SPATA17: variants seen among roughly 807,000 people sequenced by gnomAD.
SPATA17 encodes the protein spermatogenesis-associated protein 17.
Under a neutral mutation model 62.2 loss-of-function variants are expected in SPATA17, and 53 were observed. That is an observed-to-expected ratio of 0.85 (90% CI 0.68 to 1.07). The LOEUF (loss-of-function observed/expected upper bound fraction) is 1.07, where lower values mean the gene tolerates loss of function less well. Ranked by LOEUF, SPATA17 falls within the 50% of genes least tolerant of loss-of-function variation. The pLI is 0.00. For synonymous variants in SPATA17, 146 were observed against 146.8 expected (o/e 0.99, Z 0.04); for missense variants, 466 against 425.5 (o/e 1.10, Z -0.84).
In SPATA17 at chr1:217,739,149, TA is replaced by T. The variant is rs1340450369; in HGVS notation, c.396-2825del. On this transcript the variant is annotated intron_variant, in intron 5 of 10. Coordinates refer to ENST00000366933, the MANE Select transcript of SPATA17 (RefSeq NM_138796.4). ...GTAATTTTTATCTTTATTTTAAAAC[TA>T]TATCAGAAAATGTTTTATAGATATG... Among the ~76,000 whole-genome samples the T allele has an allele frequency of 1.3e-5, 2 of 152,122 alleles. 1 individual carries two copies. Among genetic ancestry groups the T allele is most frequent in the Non-Finnish European group, 2.9e-5 (2 of 68,018 alleles).
At chr1:217,801,691 A>G (rs1324490334) in intron 8 of SPATA17, 27 bp from the exon 9 acceptor site, 3 of 1,568,524 alleles carry the variant, frequency 1.9e-6, no homozygotes, top group Non-Finnish European at 2.6e-6. Context: ...AATCAAGTTA[A>G]GAATAGCTCT....
chr1:217,658,818 C>T (rs191017405), intron 3 of SPATA17, among the ~76,000 whole-genome samples: 11 of 152,144 alleles, frequency 7.2e-5, no homozygotes, highest in African/African-American at 2.4e-4. Flanking sequence ...TCAGTATTCC[C>T]TTATAGTATG....
chr1:217,703,854 T>G (rs1031701597), intron 5 of SPATA17, among the ~76,000 whole-genome samples: 1 of 152,148 alleles, frequency 6.6e-6, no homozygotes, highest in African/African-American at 2.4e-5. Flanking sequence ...GTGCTAGGAG[T>G]AATTTGTACC....
intron 4 of SPATA17, among the ~76,000 whole-genome samples, chr1:217,682,225 G>C (rs370740443): frequency 6.6e-6 from 1 of 151,754 alleles, no homozygotes; most frequent in South Asian, 2.1e-4. Context: ...AGGGGTATTA[G>C]AAAATATAGC....
intron 4 of SPATA17, among the ~76,000 whole-genome samples, chr1:217,669,518 C>T (rs1023189107): frequency 6.6e-6 from 1 of 152,128 alleles, no homozygotes; most frequent in Non-Finnish European, 1.5e-5. Flanking sequence ...TTATTTCTAT[C>T]AGTTCTGTGT....
intron 1 of SPATA17, 110 bp downstream of exon 1, chr1:217,631,556 T>A (rs1669774776): frequency 4.5e-6 from 5 of 1,114,430 alleles, no homozygotes; most frequent in African/African-American, 1.5e-5. Context: ...ATTCATTAAG[T>A]AGTACCCAAT....
At chr1:217,657,268 C>T (rs977289869) in intron 3 of SPATA17, among the ~76,000 whole-genome samples, 3 of 152,186 alleles carry the variant, frequency 2.0e-5, no homozygotes, top group Non-Finnish European at 2.9e-5. Flanking sequence ...GCATTGCTTC[C>T]TTTCAGAAGG....
intron 9 of SPATA17, among the ~76,000 whole-genome samples, chr1:217,853,406 T>A (rs1220247030): frequency 6.6e-6 from 1 of 152,162 alleles, no homozygotes; most frequent in Non-Finnish European, 1.5e-5. Context: ...TAGTAGACAA[T>A]ATTTTCAACT....
chr1:217,853,612 G>A (rs925076464), intron 9 of SPATA17, among the ~76,000 whole-genome samples: 1 of 152,114 alleles, frequency 6.6e-6, no homozygotes, highest in Admixed American at 6.6e-5. Context: ...GTTCTATAAA[G>A]TCACCTCAAA....
rs529651891 is a variant in SPATA17, at chr1:217,738,456, C to T, written c.396-3519C>T. Among the ~76,000 whole-genome samples the T allele has an allele frequency of 7.9e-5, 12 of 152,324 alleles. No homozygotes were observed. In the South Asian group the frequency reaches 2.5e-3, roughly 32 times the overall value. ...TAGTAAATGTTCAATAAATAGCTAA[C>T]ACTTACATAGCGCCTTACTGTGTAC... On this transcript the variant is annotated intron_variant, in intron 5 of 10. Coordinates refer to ENST00000366933, the MANE Select transcript of SPATA17 (RefSeq NM_138796.4).
At chr1:217,751,824 G>A (rs1265057237) in intron 6 of SPATA17, among the ~76,000 whole-genome samples, 1 of 152,044 alleles carries the variant, frequency 6.6e-6, no homozygotes, top group Non-Finnish European at 1.5e-5. Flanking sequence ...AGCCACTTAG[G>A]TAGAAAAGGG....
intron 9 of SPATA17, among the ~76,000 whole-genome samples, chr1:217,827,671 G>A (rs1558067338): frequency 2.0e-5 from 3 of 152,108 alleles, no homozygotes; most frequent in African/African-American, 4.8e-5. Flanking sequence ...AGAAAATGTG[G>A]TATATATACA....
intron 1 of SPATA17, among the ~76,000 whole-genome samples, chr1:217,634,125 C>T (rs914968790): frequency 9.2e-5 from 14 of 152,210 alleles, no homozygotes; most frequent in African/African-American, 3.4e-4. Context: ...TTGTCCTGGA[C>T]ATAAGGTGAA....
intron 1 of SPATA17, among the ~76,000 whole-genome samples, chr1:217,646,819 G>A (rs907496546): frequency 4.0e-5 from 6 of 151,496 alleles, no homozygotes; most frequent in African/African-American, 7.3e-5. Context: ...ACTTGAACCC[G>A]GGAGGCGGAG....
At chr1:217,839,249 CTCA>C (rs1405600506) in intron 9 of SPATA17, among the ~76,000 whole-genome samples, 1 of 152,092 alleles carries the variant, frequency 6.6e-6, no homozygotes, top group African/African-American at 2.4e-5. Flanking sequence ...AGAGAAGCCT[CTCA>C]TCAGCCTCTT....
chr1:217,727,275 AATAATAATAAT>A (rs1423797763), intron 5 of SPATA17, among the ~76,000 whole-genome samples: 13 of 149,086 alleles, frequency 8.7e-5, no homozygotes, highest in Admixed American at 6.7e-4. Context: ...TAATAATAAT[AATAATAATAAT>A]AACAACAAAA....
intron 9 of SPATA17, among the ~76,000 whole-genome samples, chr1:217,812,634 A>G (rs570239293): frequency 9.9e-5 from 15 of 152,198 alleles, no homozygotes; most frequent in Non-Finnish European, 2.1e-4. Context: ...TGATCTCCAT[A>G]TTTAAACTAG....
chr1:217,794,892 C>A (rs1260828400), intron 8 of SPATA17, among the ~76,000 whole-genome samples: 1 of 152,166 alleles, frequency 6.6e-6, no homozygotes, highest in Non-Finnish European at 1.5e-5. Context: ...TGAGCTTGAA[C>A]TAGATTTTGC....
intron 1 of SPATA17, among the ~76,000 whole-genome samples, chr1:217,635,331 A>C (rs1417782697): frequency 2.6e-5 from 4 of 152,198 alleles, no homozygotes; most frequent in Non-Finnish European, 4.4e-5. Flanking sequence ...TGTATTATGG[A>C]GACATAATAC....
Sources: allele counts gnomAD v4.1 joint callset (sites outside exome capture counted in the v4.1 genomes callset), GRCh38; gene constraint gnomAD v4.1.1; transcripts MANE v1.5; gene names NCBI Gene and HGNC (gene_info 2026-07-23, HGNC 2026-07-21).